The following DMXL1 variants were observed in gnomAD, a reference collection of about 807,000 sequenced individuals.
The protein encoded by DMXL1 is dmX-like protein 1.
A neutral mutation model predicts 319.2 loss-of-function variants in DMXL1; 99 were observed. The observed-to-expected ratio is 0.31, with a 90% confidence interval of 0.26 to 0.37. The LOEUF is 0.37. DMXL1 is among the 10% of genes least tolerant of loss of function. DMXL1 has a pLI of 1.00. For missense variants in DMXL1, 3,745 were observed against 3,595.6 expected (o/e 1.04, Z -1.06); for synonymous variants, 1,385 against 1,235.2 (o/e 1.12, Z -2.54).
chr5:119,204,784 G>A (rs1169818775), intron 33 of DMXL1, among the ~76,000 whole-genome samples: 1 of 152,174 alleles, frequency 6.6e-6, no homozygotes, highest in African/African-American at 2.4e-5. Context: ...CATTGAACTA[G>A]TCTGAAAGCA....
At chr5:119,201,168 T>A (rs547323931) in intron 32 of DMXL1, among the ~76,000 whole-genome samples, 17 of 152,280 alleles carry the variant, frequency 1.1e-4, no homozygotes, top group Admixed American at 1.1e-3. Context: ...GAAAGCTTCC[T>A]GCTTTTGCCC....
Position 119,118,805 on chromosome 5 carries a change from C to T in DMXL1, c.744-10C>T. 6.4e-7 allele frequency: 1 copy of T among 1,567,140 alleles called. No individual in the cohort carries two copies. The highest frequency in any genetic ancestry group is 8.6e-7 in the Non-Finnish European group (1 of 1,159,050). ...TGTATTTTTGCTTCTAAAATCTTTT[C>T]ATTCCTTAGGGCTTCTGTATGTAAT... is the stretch of plus-strand genomic sequence containing the variant. On this transcript the variant is annotated splice_polypyrimidine_tract_variant and intron_variant, in intron 7 of 43. Coordinates refer to ENST00000539542, the MANE Select transcript of DMXL1 (RefSeq NM_001290321.3).
chr5:119,216,887 T>G lies in DMXL1; in HGVS notation c.7927-14T>G, dbSNP rs1454433769. 6.6e-7 allele frequency: 1 copy of G among 1,511,244 alleles called. No individual in the cohort carries two copies. Among genetic ancestry groups the G allele is most frequent in the African/African-American group, 1.4e-5 (1 of 72,774 alleles). The allele number at this position is 1,511,244 out of a possible 1,614,324, so 93.6% of individuals were successfully genotyped here. A position where few individuals can be genotyped will look rare whatever the true frequency, so the allele number is the denominator to read the frequency against. On this transcript the variant is annotated splice_polypyrimidine_tract_variant and intron_variant, in intron 34 of 43. Coordinates refer to ENST00000539542, the MANE Select transcript of DMXL1 (RefSeq NM_001290321.3). ...AAATCAGTGCATTTTTGTGTTTTGT[T>G]TCCTTTTATTTAGATAGAAGCAGAT...
Position 119,098,073 on chromosome 5 carries a change from G to A in DMXL1, c.182G>A (p.Gly61Glu), listed in dbSNP as rs778483390. The change falls in exon 2 of 44, where the codon GGA (glycine) becomes GAA (glutamate). Residue 61 changes from glycine to glutamate, a missense_variant. Transcript: ENST00000539542. ...GCTAAACATGGAAATATTCAAGTGG[G>A]ATGTGTAGACTGTTCAATGCAACAA... is the stretch of plus-strand genomic sequence containing the variant. The part of the protein sequence containing the change: ...PGAKHGNIQV[G>E]CVDCSMQQGK... 3.1e-6 allele frequency: 5 copies of A among 1,607,708 alleles called. No homozygotes were observed. Among genetic ancestry groups the A allele is most frequent in the East Asian group, 4.5e-5 (2 of 44,588 alleles).
Position 119,220,935 on chromosome 5 carries a change from T to C in DMXL1, c.8136-5T>C, listed in dbSNP as rs1302404231. On this transcript the variant is annotated splice_polypyrimidine_tract_variant and splice_region_variant and intron_variant, in intron 36 of 43. Coordinates refer to ENST00000539542, the MANE Select transcript of DMXL1 (RefSeq NM_001290321.3). ...GTTTTTATTCTGGTTGACATTCCTT[T>C]ATAGATCAGAAGATTTCTTGGTTAT... 6.2e-7 allele frequency: 1 copy of C among 1,612,610 alleles called. No individual in the cohort carries two copies. Among genetic ancestry groups the C allele is most frequent in the Non-Finnish European group, 8.5e-7 (1 of 1,179,442 alleles).
chr5:119,170,138 G>T, intron 23 of DMXL1, 52 bp from the exon 24 acceptor site: 1 of 1,519,348 alleles, frequency 6.6e-7, no homozygotes, highest in South Asian at 1.4e-5. Context: ...CACTACAATA[G>T]AAACACACAG....
At position 119,124,380 on chromosome 5, in the gene DMXL1, C is replaced by G. The variant is rs190281754; in HGVS notation, c.1102+3241C>G. Among the ~76,000 whole-genome samples, 29 of 151,508 alleles carry G rather than the reference C, an allele frequency of 1.9e-4. No homozygotes were observed. In the East Asian group the frequency reaches 3.5e-3, roughly 18 times the overall value. On this transcript the variant is annotated intron_variant, in intron 9 of 43. Transcript: ENST00000539542. Reference sequence around the variant, plus strand: ...AATGCTTTTTTAGCTGTGTGACTGTCTTGAATGCTTTCCTTGAGCGTGAGA... The same window carrying G: ...AATGCTTTTTTAGCTGTGTGACTGTGTTGAATGCTTTCCTTGAGCGTGAGA...
chr5:119,115,599 T>C (rs1011114529), intron 6 of DMXL1, among the ~76,000 whole-genome samples: 8 of 152,216 alleles, frequency 5.3e-5, no homozygotes, highest in Admixed American at 6.5e-5. Flanking sequence ...AACTCAGTTA[T>C]AGCTTAAAAG....
At chr5:119,193,997 T>C in intron 30 of DMXL1, 27 bp downstream of exon 30, 1 of 1,424,116 alleles carries the variant, frequency 7.0e-7, no homozygotes, top group Non-Finnish European at 9.4e-7. Context: ...TTTAAATTTC[T>C]TTTTAAAAAT....
intron 17 of DMXL1, among the ~76,000 whole-genome samples, chr5:119,147,767 G>T (rs1768905020): frequency 6.6e-6 from 1 of 152,164 alleles, no homozygotes; most frequent in African/African-American, 2.4e-5. Context: ...TACTTTATTT[G>T]CAGACTTTGA....
intron 19 of DMXL1, among the ~76,000 whole-genome samples, chr5:119,156,140 T>C (rs939707546): frequency 6.6e-6 from 1 of 152,144 alleles, no homozygotes; most frequent in Non-Finnish European, 1.5e-5. Context: ...TTTTAAGAAA[T>C]TGCTATAGCC....
chr5:119,195,817 C>T (rs1176755660), intron 30 of DMXL1, among the ~76,000 whole-genome samples: 1 of 152,068 alleles, frequency 6.6e-6, no homozygotes, highest in African/African-American at 2.4e-5. Flanking sequence ...GAGAACCTGA[C>T]TTTTTTAAAA....
chr5:119,187,398 C>A (rs1213213627), intron 28 of DMXL1, among the ~76,000 whole-genome samples: 1 of 152,170 alleles, frequency 6.6e-6, no homozygotes, highest in African/African-American at 2.4e-5. Flanking sequence ...GAACACCCAG[C>A]AGCTATAGTT....
Position 119,170,601 on chromosome 5 carries a change from A to G in DMXL1, c.5810A>G (p.Glu1937Gly). 6.2e-7 allele frequency: 1 copy of G among 1,613,818 alleles called. No homozygotes were observed. The highest frequency in any genetic ancestry group is 8.5e-7 in the Non-Finnish European group (1 of 1,179,908). The change falls in exon 24 of 44, where the codon GAG becomes GGG. Residue 1937 changes from glutamate (E) to glycine (G), a missense_variant. Coordinates refer to ENST00000539542, the MANE Select transcript of DMXL1 (RefSeq NM_001290321.3). ...SLINGFGSSS[E>G]GSSEKQSNST... The stretch of plus-strand genomic sequence containing the variant: ...ATAAATGGTTTTGGATCTTCTTCAG[A>G]GGGTTCCTCAGAGAAGCAATCAAAC...
At chr5:119,221,641 G>C (rs1198371853) in intron 37 of DMXL1, among the ~76,000 whole-genome samples, 3 of 151,988 alleles carry the variant, frequency 2.0e-5, no homozygotes, top group East Asian at 3.8e-4. Context: ...GAAAGTAAAT[G>C]CCCATAAAGC....
intron 1 of DMXL1, among the ~76,000 whole-genome samples, chr5:119,087,067 G>A (rs1331645832): frequency 3.3e-5 from 5 of 150,388 alleles, no homozygotes; most frequent in African/African-American, 1.2e-4. Flanking sequence ...TACTTACTTG[G>A]GTCTTCTCTT....
At chr5:119,175,674 A>G (rs1007352914) in intron 26 of DMXL1, among the ~76,000 whole-genome samples, 4 of 152,142 alleles carry the variant, frequency 2.6e-5, no homozygotes, top group East Asian at 3.8e-4. Context: ...GATAAATGAT[A>G]TGTATATAAT....
intron 2 of DMXL1, among the ~76,000 whole-genome samples, chr5:119,098,308 C>T (rs1191891711): frequency 1.3e-5 from 2 of 152,166 alleles, no homozygotes; most frequent in African/African-American, 4.8e-5. Context: ...ATAGCATCAT[C>T]TTCTCTGAGA....
intron 32 of DMXL1, among the ~76,000 whole-genome samples, chr5:119,202,879 ATATTTT>A (rs1187575706): frequency 1.8e-5 from 2 of 109,648 alleles, no homozygotes; most frequent in Non-Finnish European, 3.9e-5. Flanking sequence ...ATATATATAT[ATATTTT>A]TATATATATA....
Sources: allele counts gnomAD v4.1 joint callset (sites outside exome capture counted in the v4.1 genomes callset), GRCh38; gene constraint gnomAD v4.1.1; transcripts MANE v1.5; gene names NCBI Gene and HGNC (gene_info 2026-07-23, HGNC 2026-07-21).